The following MRPS14 variants were observed in gnomAD, a reference collection of about 807,000 sequenced individuals.
The protein encoded by MRPS14 is mitochondrial ribosomal protein S14.
A neutral mutation model predicts 16.4 loss-of-function variants in MRPS14; 14 were observed. The ratio of observed to expected loss-of-function variants is 0.85; its 90% CI spans 0.56 to 1.33. The LOEUF is 1.33. Among genes scored for constraint, MRPS14 ranks in the 40% most tolerant of loss-of-function variants. The pLI is 0.00. For missense variants in MRPS14, 162 were observed against 176.8 expected (o/e 0.92, Z 0.48); for synonymous variants, 54 against 61.9 (o/e 0.87, Z 0.60).
chr1:175,016,015 T>C (rs981905668), intron 2 of MRPS14, among the ~76,000 whole-genome samples: 2 of 152,010 alleles, frequency 1.3e-5, no homozygotes, highest in African/African-American at 2.4e-5. Context: ...CTGACCAACA[T>C]AGGGAAACCC....
chr1:175,016,870 C>T (rs932572189), intron 2 of MRPS14, among the ~76,000 whole-genome samples: 4 of 152,122 alleles, frequency 2.6e-5, no homozygotes, highest in Non-Finnish European at 5.9e-5. Flanking sequence ...ACTATAGTTA[C>T]GGTGTTGTGC....
chr1:175,017,110 A>T (rs189800238), intron 2 of MRPS14, among the ~76,000 whole-genome samples: 1 of 151,670 alleles, frequency 6.6e-6, no homozygotes, highest in African/African-American at 2.4e-5. Context: ...GCTGGAGCGT[A>T]CTGGCGTGAT....
rs578076888 is a variant in MRPS14 at position 175,013,472 on chromosome 1, A to G, written c.*1197T>C. 6.6e-6 allele frequency: 1 copy of G among 152,290 alleles called. No homozygotes were observed. Among genetic ancestry groups the G allele is most frequent in the Admixed American group, 6.5e-5 (1 of 15,294 alleles). The allele number at this position is 152,290 out of a possible 1,614,324, so 9.4% of individuals were successfully genotyped here. A position where few individuals can be genotyped will look rare whatever the true frequency, so the allele number is the denominator to read the frequency against. ...TAAGTCTTGCCCAATTTTCTTTCCT[A>G]AAACTTTAAAAATCTGTCCTCTCTC... is the stretch of plus-strand genomic sequence containing the variant. On this transcript the variant is annotated 3_prime_UTR_variant, in exon 3 of 3. Coordinates refer to ENST00000476371, the MANE Select transcript of MRPS14 (RefSeq NM_022100.3).
chr1:175,016,715 T>A (rs1672886249), intron 2 of MRPS14, among the ~76,000 whole-genome samples: 1 of 152,220 alleles, frequency 6.6e-6, no homozygotes, highest in Non-Finnish European at 1.5e-5. Context: ...CATGATTTGC[T>A]AAACATATAC....
At chr1:175,017,941 T>C (rs1248397706) in intron 2 of MRPS14, among the ~76,000 whole-genome samples, 1 of 152,094 alleles carries the variant, frequency 6.6e-6, no homozygotes, top group African/African-American at 2.4e-5. Flanking sequence ...CCAGCCAACA[T>C]GGTGAAACCC....
At position 175,018,516 on chromosome 1, in the gene MRPS14, G is replaced by A. The variant is rs1278051627; in HGVS notation, c.106C>T (p.Arg36Cys). Residue 36 changes from arginine to cysteine, a missense_variant, in exon 2 of 3, where the codon CGC (arginine) becomes TGC (cysteine). Physicochemically the swap from Arg to Cys is radical, Grantham distance 180. Transcript: ENST00000476371. Reference protein sequence around the residue: ...RSHYVDWRMWRDVKRRKMAYE... With the variant: ...RSHYVDWRMWCDVKRRKMAYE... ...GCCATTTTTCGTCTCTTCACATCGCGCCACATTCTCCAGTCTACATAGTGA... is the reference window on the plus strand; with the variant it reads ...GCCATTTTTCGTCTCTTCACATCGCACCACATTCTCCAGTCTACATAGTGA... The A allele has an allele frequency of 1.2e-5, 19 of 1,612,690 alleles. No individual in the cohort carries two copies. The highest frequency in any genetic ancestry group is 3.3e-5 in the South Asian group (3 of 90,842).
At position 175,013,173 on chromosome 1, in the gene MRPS14, T is replaced by C. The variant is rs1403666856; in HGVS notation, c.*1496A>G. On this transcript the variant is annotated 3_prime_UTR_variant, in exon 3 of 3. Transcript: ENST00000476371. ...ATATTTAAGAAATATGAATCCAAAC[T>C]AGATTGTGATAATTCCCTCATAACT... The C allele has an allele frequency of 6.6e-6, 1 of 152,188 alleles. No homozygotes were observed. The highest frequency in any genetic ancestry group is 1.5e-5 in the Non-Finnish European group (1 of 68,038). The allele number at this position is 152,188 out of a possible 1,614,324, so 9.4% of individuals were successfully genotyped here. A position where few individuals can be genotyped will look rare whatever the true frequency, so the allele number is the denominator to read the frequency against.
rs1053930540 is a variant in MRPS14 at position 175,014,562 on chromosome 1, G to A, written c.*107C>T. The A allele has an allele frequency of 1.6e-5, 19 of 1,157,266 alleles. No individual in the cohort carries two copies. In the African/African-American group the frequency reaches 2.6e-4, roughly 16 times the overall value. 71.7% of individuals were successfully genotyped at this position (1,157,266 alleles called of 1,614,324 possible). ...ATAGCATCAGGTAGGCCAAACAACT[G>A]TACTGGGCCCCTGTAGAGATTAGGG... On this transcript the variant is annotated 3_prime_UTR_variant, in exon 3 of 3. Coordinates refer to ENST00000476371, the MANE Select transcript of MRPS14 (RefSeq NM_022100.3).
At chr1:175,016,564 ACT>A (rs559427183) in intron 2 of MRPS14, among the ~76,000 whole-genome samples, 2 of 152,070 alleles carry the variant, frequency 1.3e-5, no homozygotes, top group African/African-American at 2.4e-5. Context: ...TGATTCACAG[ACT>A]CTGCACAGTT....
chr1:175,021,015 C>A (rs1021008881), intron 1 of MRPS14, among the ~76,000 whole-genome samples: 2 of 152,194 alleles, frequency 1.3e-5, no homozygotes, highest in Non-Finnish European at 2.9e-5. Context: ...CTCTTGACAT[C>A]TCCTTCACCT....
At chr1:175,018,935 A>C (rs575720774) in intron 1 of MRPS14, among the ~76,000 whole-genome samples, 2 of 152,008 alleles carry the variant, frequency 1.3e-5, no homozygotes, top group South Asian at 4.1e-4. Context: ...GTCTCCCCCC[A>C]CCTCATTCCT....
In MRPS14 at chr1:175,022,837, T is replaced by A. The variant is rs562368555; in HGVS notation, c.45+527A>T. 7.8e-4 allele frequency among the ~76,000 whole-genome samples: 119 copies of A among 151,888 alleles called. No homozygotes were observed. In the South Asian group the frequency reaches 9.2e-3, roughly 12 times the overall value. On this transcript the variant is annotated intron_variant, in intron 1 of 2. Transcript: ENST00000476371. Reference sequence around the variant, plus strand: ...ATTCTCTTGAACGCTTTCGTCCCCATAACACCATCAGAACAGCTGTGATTA... The same window carrying A: ...ATTCTCTTGAACGCTTTCGTCCCCAAAACACCATCAGAACAGCTGTGATTA...
chr1:175,019,256 A>G (rs1048779073), intron 1 of MRPS14, among the ~76,000 whole-genome samples: 4 of 152,118 alleles, frequency 2.6e-5, no homozygotes, highest in Admixed American at 6.6e-5. Flanking sequence ...ATGTATTCCT[A>G]TATATCTTGA....
At position 175,014,562 on chromosome 1, in the gene MRPS14, G is replaced by T; in HGVS notation, c.*107C>A. On this transcript the variant is annotated 3_prime_UTR_variant, in exon 3 of 3. Coordinates refer to ENST00000476371, the MANE Select transcript of MRPS14 (RefSeq NM_022100.3). ...ATAGCATCAGGTAGGCCAAACAACT[G>T]TACTGGGCCCCTGTAGAGATTAGGG... is the stretch of plus-strand genomic sequence containing the variant. 8.6e-7 allele frequency: 1 copy of T among 1,157,376 alleles called. No homozygotes were observed. Among genetic ancestry groups the T allele is most frequent in the Non-Finnish European group, 1.2e-6 (1 of 832,564 alleles). The allele number at this position is 1,157,376 out of a possible 1,614,324, so 71.7% of individuals were successfully genotyped here. A position where few individuals can be genotyped will look rare whatever the true frequency, so the allele number is the denominator to read the frequency against.
intron 1 of MRPS14, among the ~76,000 whole-genome samples, chr1:175,018,880 C>T (rs10912870): frequency 0.43 from 64,823 of 151,964 alleles, 15,929 homozygotes; most frequent in African/African-American, 0.69. Flanking sequence ...CCAATAGTCA[C>T]ATGGTTCAAA....
intron 2 of MRPS14, 140 bp from the exon 3 acceptor site, chr1:175,014,991 G>A (rs923670352): frequency 3.4e-5 from 27 of 804,010 alleles, no homozygotes; most frequent in Non-Finnish European, 5.1e-5. Flanking sequence ...GGCTGTGGGT[G>A]TTAGATTGTG....
At chr1:175,023,243 G>T in intron 1 of MRPS14, 121 bp downstream of exon 1, 2 of 1,552,886 alleles carry the variant, frequency 1.3e-6, no homozygotes, top group Non-Finnish European at 8.7e-7. Flanking sequence ...GGAAGAGGGC[G>T]GAAGGAGAAC....
rs768183052 is a variant in MRPS14, at chr1:175,023,384, G to A, written c.25C>T (p.Leu9=). Residue 9 remains leucine (L), a synonymous_variant, in exon 1 of 3, where the codon CTG becomes TTG. Coordinates refer to ENST00000476371, the MANE Select transcript of MRPS14 (RefSeq NM_022100.3). MAAFMLGS[L]LRTFKQMVPS... is the part of the protein sequence containing the mutation. Reference sequence around the variant, plus strand: ...CTGACCTGCTTGAACGTCCGCAGCAGCGAGCCCAGCATGAAGGCCGCCATG... The same window carrying A: ...CTGACCTGCTTGAACGTCCGCAGCAACGAGCCCAGCATGAAGGCCGCCATG... 4 of 1,614,190 alleles carry A rather than the reference G, an allele frequency of 2.5e-6. No homozygotes were observed. The highest frequency in any genetic ancestry group is 3.4e-6 in the Non-Finnish European group (4 of 1,180,036).
rs1672920753 is a variant in MRPS14, at chr1:175,018,402, AT to A, written c.204+15del. ...ATGATCTTGTGGTACAAAGGGACTC[AT>A]CTTAATTAGCTAACCTGAAGAATTT... On this transcript the variant is annotated intron_variant, in intron 2 of 2. Coordinates refer to ENST00000476371, the MANE Select transcript of MRPS14 (RefSeq NM_022100.3). 4 of 1,581,928 alleles carry A rather than the reference AT, an allele frequency of 2.5e-6. No individual in the cohort carries two copies. Among genetic ancestry groups the A allele is most frequent in the Non-Finnish European group, 3.4e-6 (4 of 1,165,976 alleles).
Sources: gnomAD v4.1 joint callset for allele counts (sites outside exome capture counted in the v4.1 genomes callset) on GRCh38, gnomAD v4.1.1 for gene constraint, MANE v1.5 for transcripts, NCBI Gene and HGNC (gene_info 2026-07-23, HGNC 2026-07-21) for gene names.